ANO1: variants seen among roughly 807,000 people sequenced by gnomAD.
ANO1 encodes the protein anoctamin-1.
ANO1 carries 59 observed loss-of-function variants against 124.0 expected under a neutral mutation model. The observed-to-expected ratio is 0.48, with a 90% CI of 0.39 to 0.59. The LOEUF is 0.59. Ranked by LOEUF, ANO1 falls within the 20% of genes least tolerant of loss-of-function variation. The pLI, the probability that ANO1 is intolerant of heterozygous loss-of-function variation, is 0.00. For synonymous variants in ANO1, 529 were observed against 532.0 expected, an observed-to-expected ratio of 0.99 and a Z score of 0.08; for missense variants, 1,059 against 1,328.0, an observed-to-expected ratio of 0.80 and a Z score of 3.15.
In ANO1 at chr11:70,091,821, G is replaced by A. The variant is rs141591721; in HGVS notation, c.441+3737G>A. ...CAGGAGTGAGCAACCCCTATGCCCCGTGCGTGCCTCCTCACTGAGTCGGGA... is the reference window on the plus strand; with the variant it reads ...CAGGAGTGAGCAACCCCTATGCCCCATGCGTGCCTCCTCACTGAGTCGGGA... On this transcript the variant is annotated intron_variant, in intron 2 of 25. Transcript: ENST00000355303. Among the ~76,000 whole-genome samples the A allele has an allele frequency of 8.9e-4, 135 of 152,352 alleles. 1 individual carries two copies. The highest frequency in any genetic ancestry group is 2.9e-3 in the African/African-American group (122 of 41,580).
intron 24 of ANO1, 94 bp downstream of exon 24, chr11:70,182,780 T>A: frequency 1.8e-6 from 2 of 1,124,178 alleles, no homozygotes; most frequent in Non-Finnish European, 2.4e-6. Context: ...GAGCAAGTCA[T>A]GAAACAACGC....
At chr11:69,976,137 C>G in the ANO1 span, among the ~76,000 whole-genome samples, 5 of 152,140 alleles carry the variant, frequency 3.3e-5, no homozygotes, top group African/African-American at 1.2e-4. Flanking sequence ...CCCTTACATT[C>G]CTGTTAAAGG....
At chr11:70,105,678 A>C in intron 4 of ANO1, 56 bp from the exon 5 acceptor site, 1 of 1,557,516 alleles carries the variant, frequency 6.4e-7, no homozygotes, top group Non-Finnish European at 8.9e-7. Context: ...CTTGAAACCC[A>C]GAGAACTGCC....
chr11:70,124,446 G>T, intron 9 of ANO1, 32 bp downstream of exon 9: 3 of 1,606,236 alleles, frequency 1.9e-6, no homozygotes, highest in Non-Finnish European at 2.6e-6. Flanking sequence ...CGGGAATCAA[G>T]TCCCTACTCC....
At chr11:70,032,050 G>A (rs1481374738) in intron 1 of ANO1, among the ~76,000 whole-genome samples, 12 of 152,208 alleles carry the variant, frequency 7.9e-5, no homozygotes, top group Non-Finnish European at 1.8e-4. Context: ...AGACACTCAG[G>A]GAGAGGACAG....
intron 1 of ANO1, among the ~76,000 whole-genome samples, chr11:70,026,545 A>T (rs1465968258): frequency 4.0e-5 from 6 of 150,342 alleles, no homozygotes; most frequent in African/African-American, 1.5e-4. Context: ...TGATGATGAT[A>T]AAAATGACAA....
chr11:70,169,235 A>G (rs2048365799), intron 21 of ANO1, among the ~76,000 whole-genome samples: 1 of 152,144 alleles, frequency 6.6e-6, no homozygotes, highest in Non-Finnish European at 1.5e-5. Context: ...GGGTTTGGAC[A>G]AAGGGGACTT....
Position 70,124,940 on chromosome 11 carries a change from T to TA in ANO1, c.962+527dup, listed in dbSNP as rs572605126. On this transcript the variant is annotated intron_variant, in intron 9 of 25. Coordinates refer to ENST00000355303, the MANE Select transcript of ANO1 (RefSeq NM_018043.7). ...CCCGGCCAAGGTTCTTTCCAGTCCT[T>TA]ATGCTGAACAGGGCTTGGAATGGAG... 1.3e-4 allele frequency among the ~76,000 whole-genome samples: 20 copies of TA among 152,320 alleles called. No individual in the cohort carries two copies. The South Asian group carries it at 3.9e-3, about 30-fold the overall frequency.
chr11:70,097,324 A>G (rs2045030290), intron 2 of ANO1, among the ~76,000 whole-genome samples: 1 of 152,158 alleles, frequency 6.6e-6, no homozygotes, highest in African/African-American at 2.4e-5. Flanking sequence ...GCGTCAGGAT[A>G]ATGGGGGATG....
At chr11:70,063,392 G>C (rs968108964) in intron 1 of ANO1, among the ~76,000 whole-genome samples, 9 of 152,202 alleles carry the variant, frequency 5.9e-5, no homozygotes, top group Admixed American at 2.6e-4. Context: ...CTGGAGACCA[G>C]TGACCCTTCG....
intron 10 of ANO1, among the ~76,000 whole-genome samples, chr11:70,129,942 G>A (rs186880742): frequency 1.3e-5 from 2 of 152,236 alleles, no homozygotes; most frequent in East Asian, 1.9e-4. Flanking sequence ...TTTAATAAAT[G>A]TTTAGGGACT....
intron 25 of ANO1, 50 bp from the exon 26 acceptor site, chr11:70,187,688 C>T: frequency 1.3e-6 from 2 of 1,560,520 alleles, no homozygotes; most frequent in Admixed American, 1.9e-5. Context: ...GTCAGGAGCA[C>T]TTCCCCAGGC....
the ANO1 span, among the ~76,000 whole-genome samples, chr11:69,973,110 T>C: frequency 2.0e-5 from 3 of 152,028 alleles, no homozygotes; most frequent in African/African-American, 4.8e-5. Flanking sequence ...GGGTTTTCCA[T>C]GTTGGTCAGG....
chr11:70,001,773 A>ATG (rs140043461), intron 1 of ANO1, among the ~76,000 whole-genome samples: 3,723 of 150,316 alleles, frequency 0.025, 139 homozygotes, highest in African/African-American at 0.075. Context: ...CTTCAATAAG[A>ATG]TGTGTGTGTG....
At chr11:69,968,136 G>A in the ANO1 span, among the ~76,000 whole-genome samples, 3 of 151,516 alleles carry the variant, frequency 2.0e-5, no homozygotes, top group Non-Finnish European at 2.9e-5. Flanking sequence ...GGATGAGCAA[G>A]TGAGGAAGCT....
chr11:69,983,569 AG>A (rs1554996522), upstream of ANO1, among the ~76,000 whole-genome samples: 1 of 152,164 alleles, frequency 6.6e-6, no homozygotes, highest in African/African-American at 2.4e-5. Flanking sequence ...GAAAATAAGC[AG>A]GGTGCTCCGG....
chr11:70,089,843 G>C (rs2044549438), intron 2 of ANO1, among the ~76,000 whole-genome samples: 1 of 152,204 alleles, frequency 6.6e-6, no homozygotes, highest in Non-Finnish European at 1.5e-5. Context: ...CTACTATACA[G>C]GGTTTGTTTC....
intron 1 of ANO1, among the ~76,000 whole-genome samples, chr11:70,037,209 T>G (rs1276486253): frequency 6.6e-6 from 1 of 152,076 alleles, no homozygotes; most frequent in Non-Finnish European, 1.5e-5. Flanking sequence ...TTGCTCCTCC[T>G]GATTGAGATT....
At chr11:69,986,876 G>T (rs1004473657) in intron 1 of ANO1, among the ~76,000 whole-genome samples, 1 of 152,134 alleles carries the variant, frequency 6.6e-6, no homozygotes, top group African/African-American at 2.4e-5. Flanking sequence ...CAAGGGGGCC[G>T]CAGTGTGCAG....
Sources: gnomAD v4.1 joint callset for allele counts (sites outside exome capture counted in the v4.1 genomes callset) on GRCh38, gnomAD v4.1.1 for gene constraint, MANE v1.5 for transcripts, NCBI Gene and HGNC (gene_info 2026-07-23, HGNC 2026-07-21) for gene names.